Variants in PKIB observed in about 807,000 individuals in gnomAD.
PKIB encodes the protein PKI-beta.
In PKIB, 2 loss-of-function variants were observed where a neutral mutation model predicts 4.5. That is an observed-to-expected ratio of 0.44 (90% CI 0.18 to 1.39). PKIB has a LOEUF of 1.39. Ranked by LOEUF, PKIB falls within the 40% of genes most tolerant of loss-of-function variation. The probability of loss-of-function intolerance (pLI) is 0.27; values close to 1 mark genes in which losing one functional copy is unlikely to be tolerated. For missense variants in PKIB, 94 were observed against 92.6 expected (o/e 1.02, Z -0.06); for synonymous variants, 38 against 36.0 (o/e 1.06, Z -0.20).
At chr6:122,501,929 C>CTTTTT (rs59519477) in intron 2 of PKIB, among the ~76,000 whole-genome samples, 2 of 124,610 alleles carry the variant, frequency 1.6e-5, no homozygotes, top group African/African-American at 3.0e-5. Context: ...AGCCAGGCCA[C>CTTTTT]TTTTTTTTTT....
intron 2 of PKIB, among the ~76,000 whole-genome samples, chr6:122,563,791 G>A (rs2114678066): frequency 6.6e-6 from 1 of 152,212 alleles, no homozygotes; most frequent in South Asian, 2.1e-4. Context: ...CAAACCGAAG[G>A]GTCAGTCTCA....
At chr6:122,482,873 A>T (rs1340981066) in intron 2 of PKIB, 1 of 152,046 alleles carries the variant, frequency 6.6e-6, no homozygotes. Flanking sequence ...TTAAAGTCCA[A>T]CTGCACGTGC....
chr6:122,499,878 A>G (rs1221047599), intron 2 of PKIB, among the ~76,000 whole-genome samples: 1 of 152,198 alleles, frequency 6.6e-6, no homozygotes, highest in Non-Finnish European at 1.5e-5. Flanking sequence ...AGGATACAAA[A>G]TTTATGTACA....
chr6:122,558,628 T>A (rs535790448), intron 2 of PKIB, among the ~76,000 whole-genome samples: 202 of 152,370 alleles, frequency 1.3e-3, no homozygotes, highest in African/African-American at 4.7e-3. Context: ...TTCATGTATC[T>A]TCAACATTTC....
chr6:122,604,217 T>C (rs969388814), intron 3 of PKIB, among the ~76,000 whole-genome samples: 4 of 152,152 alleles, frequency 2.6e-5, no homozygotes, highest in Admixed American at 6.5e-5. Flanking sequence ...AGTTAGACAA[T>C]ACACATGAAA....
chr6:122,478,364 T>C (rs963329063), intron 2 of PKIB: 22 of 152,198 alleles, frequency 1.4e-4, no homozygotes, highest in African/African-American at 5.3e-4. Context: ...GTTGTAGAGC[T>C]GACAGCAGAA....
At chr6:122,611,541 CTT>C (rs1399191336) in intron 1 of PKIB, among the ~76,000 whole-genome samples, 2 of 152,266 alleles carry the variant, frequency 1.3e-5, no homozygotes, top group South Asian at 2.1e-4. Flanking sequence ...TAAAAAAACT[CTT>C]TTATCAGTGG....
rs146560233 is a variant in PKIB at position 122,672,850 on chromosome 6, G to A, written c.-75-2228G>A. ...AATTATTTTTATATTTGTTAGGGGC[G>A]TGCTACTGTTCTTGAAATCTTCCCA... On this transcript the variant is annotated intron_variant, in intron 2 of 4. Transcript: ENST00000368452. Among the ~76,000 whole-genome samples the A allele has an allele frequency of 4.8e-3, 724 of 151,892 alleles. 5 individuals carry two copies. The highest frequency in any genetic ancestry group is 0.016 in the African/African-American group (680 of 41,462).
chr6:122,609,604 G>T (rs1774665539), upstream of PKIB, among the ~76,000 whole-genome samples: 11 of 152,178 alleles, frequency 7.2e-5, no homozygotes, highest in Admixed American at 7.2e-4. Flanking sequence ...GATAAGAGAA[G>T]ACTTTGAGTA....
chr6:122,619,099 A>C (rs962477515), intron 1 of PKIB, among the ~76,000 whole-genome samples: 12 of 152,094 alleles, frequency 7.9e-5, no homozygotes, highest in Non-Finnish European at 1.8e-4. Flanking sequence ...ATCTGTTTGC[A>C]AGAGCTTTTT....
intron 2 of PKIB, chr6:122,581,895 C>A (rs189109805): frequency 1.3e-4 from 20 of 152,130 alleles, no homozygotes; most frequent in African/African-American, 4.8e-4. Flanking sequence ...AAGTTTTTTT[C>A]TAGCTTTCTA....
chr6:122,617,474 C>G (rs1223405471), intron 1 of PKIB, among the ~76,000 whole-genome samples: 1 of 152,056 alleles, frequency 6.6e-6, no homozygotes, highest in Non-Finnish European at 1.5e-5. Context: ...ATTTTGGGTT[C>G]TAGGTTTGAA....
chr6:122,511,774 G>A (rs982188321), intron 2 of PKIB, among the ~76,000 whole-genome samples: 5 of 152,188 alleles, frequency 3.3e-5, no homozygotes, highest in Admixed American at 1.3e-4. Context: ...CGTCATAGGC[G>A]TAATCTACGG....
chr6:122,643,649 G>T (rs1398980392), intron 2 of PKIB: 1 of 152,076 alleles, frequency 6.6e-6, no homozygotes, highest in Non-Finnish European at 1.5e-5. Context: ...TAATATTTTT[G>T]ATTAACTTAA....
chr6:122,607,330 AAAC>A (rs1184540795), upstream of PKIB, among the ~76,000 whole-genome samples: 3 of 151,878 alleles, frequency 2.0e-5, no homozygotes, highest in Non-Finnish European at 4.4e-5. Context: ...AAACAAAACA[AAAC>A]AAAACAAAAA....
At chr6:122,527,878 A>G (rs562029992) in intron 2 of PKIB, among the ~76,000 whole-genome samples, 4 of 152,238 alleles carry the variant, frequency 2.6e-5, no homozygotes, top group Admixed American at 2.6e-4. Flanking sequence ...AATAAAGCAA[A>G]CTGTAATAAA....
In PKIB at chr6:122,576,689, A is replaced by AAAAATATAT. The variant is rs1345822382; in HGVS notation, c.-247-9231_-247-9230insAAATATATA. Among the ~76,000 whole-genome samples, 52 of 34,306 alleles carry AAAAATATAT rather than the reference A, an allele frequency of 1.5e-3. 1 individual carries two copies. The highest frequency in any genetic ancestry group is 2.1e-3 in the African/African-American group (16 of 7,612). The allele number at this position is 34,306 out of a possible 152,430, so 22.5% of individuals were successfully genotyped here. On this transcript the variant is annotated intron_variant, in intron 2 of 6. Transcript: ENST00000392491. Reference sequence around the variant, plus strand: ...ATCTCAAAAAAAAAAAAAAAAAAAAAATATATATATATATATATATATTTT... The same window carrying AAAAATATAT: ...ATCTCAAAAAAAAAAAAAAAAAAAAAAAAATATATATATATATATATATATATATATTTT...
intron 2 of PKIB, among the ~76,000 whole-genome samples, chr6:122,536,057 A>C (rs190133194): frequency 6.6e-6 from 1 of 152,246 alleles, no homozygotes; most frequent in Non-Finnish European, 1.5e-5. Context: ...CTCCTGCCTC[A>C]GCCTCCCAAG....
chr6:122,722,176 T>C (rs1779771487), intron 4 of PKIB, among the ~76,000 whole-genome samples: 1 of 152,184 alleles, frequency 6.6e-6, no homozygotes, highest in South Asian at 2.1e-4. Context: ...CAAAATGTTT[T>C]CCTTTCATTA....
Sources: gnomAD v4.1 joint callset for allele counts (sites outside exome capture counted in the v4.1 genomes callset) on GRCh38, gnomAD v4.1.1 for gene constraint, MANE v1.5 for transcripts, NCBI Gene and HGNC (gene_info 2026-07-23, HGNC 2026-07-21) for gene names.